The following EIF3E variants were observed in gnomAD, a reference collection of about 807,000 sequenced individuals.
EIF3E encodes the protein eIF-3 p48.
Under a neutral mutation model 59.3 loss-of-function variants are expected in EIF3E, and 25 were observed. The ratio of observed to expected loss-of-function variants is 0.42; its 90% confidence interval spans 0.31 to 0.59. EIF3E has a LOEUF of 0.59. EIF3E is among the 20% of genes least tolerant of loss of function. The probability of loss-of-function intolerance (pLI) is 0.15; values close to 1 mark genes in which losing one functional copy is unlikely to be tolerated. For missense variants in EIF3E, 317 were observed against 534.3 expected (o/e 0.59, Z 4.01); for synonymous variants, 176 against 170.2 (o/e 1.03, Z -0.26).
rs1815556405 is a variant in EIF3E at position 108,228,326 on chromosome 8, A to C, written c.663T>G (p.Val221=). ...CGCGACCTTTGGGGTGATTGAAGAAAACAAACAGAGACCAGTGAATGAGCC... is the reference window on the plus strand; with the variant it reads ...CGCGACCTTTGGGGTGATTGAAGAACACAAACAGAGACCAGTGAATGAGCC... The part of the protein sequence containing the change: ...RTWLIHWSLF[V]FFNHPKGRDN... Residue 221 remains valine (V), a synonymous_variant, in exon 7 of 13, where the codon GTT becomes GTG. Transcript: ENST00000220849. 2 of 1,609,536 alleles carry C rather than the reference A, an allele frequency of 1.2e-6. No individual in the cohort carries two copies. The highest frequency in any genetic ancestry group is 2.7e-5 in the African/African-American group (2 of 74,804).
intron 5 of EIF3E, among the ~76,000 whole-genome samples, chr8:108,231,183 TA>T (rs1392197685): frequency 6.6e-6 from 1 of 152,122 alleles, no homozygotes; most frequent in African/African-American, 2.4e-5. Flanking sequence ...TTACAAAGGA[TA>T]AAATGTTTAA....
chr8:108,245,973 C>A lies in EIF3E; in HGVS notation c.90+2640G>T, dbSNP rs1414244537. Among the ~76,000 whole-genome samples the A allele has an allele frequency of 2.0e-5, 3 of 152,138 alleles. No individual in the cohort carries two copies. The East Asian group carries it at 5.8e-4, about 29-fold the overall frequency. On this transcript the variant is annotated intron_variant, in intron 1 of 12. Coordinates refer to ENST00000220849, the MANE Select transcript of EIF3E (RefSeq NM_001568.3). ...GGCTGCTGCCTGAAACTGCAGATAG[C>A]CCCAATCCTATATTTACTGTTTTTT... is the stretch of plus-strand genomic sequence containing the variant.
Position 108,229,062 on chromosome 8 carries a change from G to T in EIF3E, c.597+8C>A, listed in dbSNP as rs538155709. 1 of 1,587,356 alleles carries T rather than the reference G, an allele frequency of 6.3e-7. No homozygotes were observed. Among genetic ancestry groups the T allele is most frequent in the Admixed American group, 1.7e-5 (1 of 58,274 alleles). On this transcript the variant is annotated splice_region_variant and intron_variant, in intron 6 of 12. Coordinates refer to ENST00000220849, the MANE Select transcript of EIF3E (RefSeq NM_001568.3). ...TTCAGAGAATAACTGTGAAAAAGTC[G>T]AACTCACATTATTATCTATGGTCTC...
At chr8:108,212,324 G>T (rs1162769407) in intron 10 of EIF3E, among the ~76,000 whole-genome samples, 1 of 152,198 alleles carries the variant, frequency 6.6e-6, no homozygotes, top group Non-Finnish European at 1.5e-5. Flanking sequence ...CATACTTCAA[G>T]ATCTTGAAAT....
chr8:108,222,941 T>G (rs566548424), intron 7 of EIF3E, among the ~76,000 whole-genome samples: 5 of 151,974 alleles, frequency 3.3e-5, no homozygotes, highest in Non-Finnish European at 5.9e-5. Context: ...AGCACAATCT[T>G]CCCCAACTGT....
chr8:108,222,024 A>G (rs1441890248), intron 7 of EIF3E, among the ~76,000 whole-genome samples: 1 of 152,132 alleles, frequency 6.6e-6, no homozygotes, highest in Non-Finnish European at 1.5e-5. Flanking sequence ...TCCTTGGTAT[A>G]CAGTATCACC....
chr8:108,233,200 A>G (rs1264496597), intron 5 of EIF3E, among the ~76,000 whole-genome samples: 1 of 152,246 alleles, frequency 6.6e-6, no homozygotes, highest in Non-Finnish European at 1.5e-5. Flanking sequence ...AATGGAAGCA[A>G]GAAAGAAAAA....
intron 1 of EIF3E, 144 bp downstream of exon 1, chr8:108,248,469 C>A: frequency 2.7e-6 from 2 of 734,682 alleles, no homozygotes; most frequent in South Asian, 3.5e-5. Context: ...CGCTAAACTA[C>A]CAGAAGATCC....
At chr8:108,205,010 G>A (rs1468041378) in intron 10 of EIF3E, among the ~76,000 whole-genome samples, 5 of 152,030 alleles carry the variant, frequency 3.3e-5, no homozygotes, top group Non-Finnish European at 7.4e-5. Flanking sequence ...TGATGGAAGA[G>A]TACCTACATA....
At chr8:108,229,244 G>T in intron 5 of EIF3E, 49 bp from the exon 6 acceptor site, 1 of 1,583,354 alleles carries the variant, frequency 6.3e-7, no homozygotes. Context: ...CTTGAAAAAT[G>T]AACATAATGT....
chr8:108,241,014 CTT>C (rs1322123334), intron 2 of EIF3E, among the ~76,000 whole-genome samples: 2 of 151,970 alleles, frequency 1.3e-5, no homozygotes, highest in African/African-American at 2.4e-5. Flanking sequence ...AAATAGTTTC[CTT>C]TTTGTTTATC....
intron 7 of EIF3E, 118 bp downstream of exon 7, chr8:108,228,149 G>GA (rs979189064): frequency 0.16 from 137,157 of 879,448 alleles, no homozygotes; most frequent in Middle Eastern, 0.18. Flanking sequence ...ACTACATGAA[G>GA]AAAAAAAAAA....
chr8:108,223,595 C>G (rs548710486), intron 7 of EIF3E, among the ~76,000 whole-genome samples: 1 of 152,170 alleles, frequency 6.6e-6, no homozygotes, highest in Non-Finnish European at 1.5e-5. Context: ...AACTTTGCAT[C>G]TTTCTTTCTA....
intron 10 of EIF3E, among the ~76,000 whole-genome samples, chr8:108,207,769 ATG>A (rs2129846356): frequency 6.6e-6 from 1 of 152,340 alleles, no homozygotes; most frequent in Non-Finnish European, 1.5e-5. Flanking sequence ...TAAATAAGAT[ATG>A]CACAGAATTC....
chr8:108,214,564 A>T, intron 10 of EIF3E, 43 bp downstream of exon 10: 9 of 1,399,518 alleles, frequency 6.4e-6, no homozygotes, highest in Non-Finnish European at 8.7e-6. Flanking sequence ...AATTTCCAGG[A>T]ATTTTAAAGT....
intron 1 of EIF3E, among the ~76,000 whole-genome samples, chr8:108,247,342 G>T (rs907174530): frequency 3.3e-5 from 5 of 152,222 alleles, no homozygotes; most frequent in Admixed American, 6.5e-5. Flanking sequence ...ATTTTTACTA[G>T]ATCTTTTGTC....
In EIF3E at chr8:108,239,177, G is replaced by A. The variant is rs548021370; in HGVS notation, c.323+781C>T. On this transcript the variant is annotated intron_variant, in intron 3 of 12. Transcript: ENST00000220849. ...GTTCTAGGTATTGCCCAAGCACAGG[G>A]TTTCTTTTTTATTTTTTCCTGAGAT... is the stretch of plus-strand genomic sequence containing the variant. 6.4e-4 allele frequency among the ~76,000 whole-genome samples: 98 copies of A among 152,116 alleles called. 1 individual carries two copies. The South Asian group carries it at 8.7e-3, about 14-fold the overall frequency.
intron 4 of EIF3E, among the ~76,000 whole-genome samples, 187 bp downstream of exon 4, chr8:108,235,974 G>C (rs1815723609): frequency 1.3e-5 from 2 of 152,110 alleles, no homozygotes; most frequent in South Asian, 4.1e-4. Flanking sequence ...TGAGCTATAA[G>C]CACATATTTT....
At chr8:108,218,184 C>A (rs74493605) in intron 7 of EIF3E, among the ~76,000 whole-genome samples, 1 of 37,862 alleles carries the variant, frequency 2.6e-5, no homozygotes, top group African/African-American at 1.4e-4. Context: ...TCAGAATTAT[C>A]TGTCAATAAA....
Sources: allele counts gnomAD v4.1 joint callset (sites outside exome capture counted in the v4.1 genomes callset), GRCh38; gene constraint gnomAD v4.1.1; transcripts MANE v1.5; gene names NCBI Gene and HGNC (gene_info 2026-07-23, HGNC 2026-07-21).